Variants in FAM193A observed in about 807,000 individuals in gnomAD.
The protein encoded by FAM193A is family with sequence similarity 193 member A.
Under a neutral mutation model 126.5 loss-of-function variants are expected in FAM193A, and 22 were observed. The ratio of observed to expected loss-of-function variants is 0.17; its 90% CI spans 0.12 to 0.25. The LOEUF (loss-of-function observed/expected upper bound fraction) is 0.25. Among genes scored for constraint, FAM193A ranks in the 10% least tolerant of loss-of-function variants. The probability of loss-of-function intolerance (pLI) is 1.00; values close to 1 mark genes in which losing one functional copy is unlikely to be tolerated. For synonymous variants in FAM193A, 761 were observed against 646.8 expected (o/e 1.18, Z -2.68); for missense variants, 1,675 against 1,672.8 (o/e 1.00, Z -0.02).
chr4:2,630,814 G>C (rs768253896), intron 4 of FAM193A, 121 bp from the exon 5 acceptor site: 40 of 608,536 alleles, frequency 6.6e-5, no homozygotes, highest in Non-Finnish European at 7.3e-5. Flanking sequence ...TATGAGGAAG[G>C]TGACTGTGTG....
At chr4:2,719,538 G>A (rs1331443143) in intron 20 of FAM193A, among the ~76,000 whole-genome samples, 1 of 152,046 alleles carries the variant, frequency 6.6e-6, no homozygotes, top group Non-Finnish European at 1.5e-5. Flanking sequence ...CTGAGGTTGG[G>A]AGTTTGAGAT....
intron 1 of FAM193A, among the ~76,000 whole-genome samples, chr4:2,578,337 C>T (rs536067350): frequency 1.3e-5 from 2 of 152,160 alleles, no homozygotes; most frequent in South Asian, 4.1e-4. Flanking sequence ...GAAATTTCAT[C>T]ATTTTAATAA....
chr4:2,653,589 G>T (rs546960922), intron 7 of FAM193A, among the ~76,000 whole-genome samples: 1 of 151,898 alleles, frequency 6.6e-6, no homozygotes, highest in South Asian at 2.1e-4. Flanking sequence ...GACTACAGGC[G>T]CCCGCCACCA....
intron 1 of FAM193A, among the ~76,000 whole-genome samples, chr4:2,537,864 C>A (rs962963092): frequency 1.3e-5 from 2 of 152,084 alleles, no homozygotes; most frequent in African/African-American, 4.8e-5. Context: ...ATTTAGGGTT[C>A]GAACTTAAGG....
chr4:2,672,031 C>G, intron 12 of FAM193A, 90 bp from the exon 13 acceptor site: 1 of 1,433,410 alleles, frequency 7.0e-7, no homozygotes, highest in South Asian at 1.2e-5. Flanking sequence ...TTTGTATTTG[C>G]TTTGTAACTA....
intron 1 of FAM193A, among the ~76,000 whole-genome samples, chr4:2,571,787 G>T (rs941203618): frequency 3.3e-5 from 5 of 151,804 alleles, no homozygotes; most frequent in African/African-American, 1.2e-4. Context: ...TGATCCACCG[G>T]CCTCAGCCTC....
intron 19 of FAM193A, among the ~76,000 whole-genome samples, chr4:2,714,698 G>A (rs1719354323): frequency 6.6e-6 from 1 of 152,150 alleles, no homozygotes. Context: ...AAAAATATTA[G>A]CTGCTATTAT....
At chr4:2,730,672 A>G (rs1721272601) in intron 20 of FAM193A, among the ~76,000 whole-genome samples, 1 of 151,900 alleles carries the variant, frequency 6.6e-6, no homozygotes, top group Admixed American at 6.6e-5. Flanking sequence ...CCTGGGCGAC[A>G]GAGCAAGACT....
Position 2,646,820 on chromosome 4 carries a change from T to C in FAM193A, c.1299T>C (p.Tyr433=). The C allele has an allele frequency of 5.0e-6, 8 of 1,612,344 alleles. No homozygotes were observed. Among genetic ancestry groups the C allele is most frequent in the Non-Finnish European group, 6.8e-6 (8 of 1,179,274 alleles). The change falls in exon 7 of 21, where the codon TAT becomes TAC. Residue 433 remains tyrosine (Y), a synonymous_variant. Transcript: ENST00000637812. ...AGTGCCAGAAGAGGATCGACGCCTA[T>C]GTCGACGAGCAGGTGAGTGCCACCC... The part of the protein sequence containing the change: ...WLECQKRIDA[Y]VDEQMTMKTK...
At chr4:2,655,934 G>C (rs1282865347) in intron 7 of FAM193A, among the ~76,000 whole-genome samples, 1 of 152,120 alleles carries the variant, frequency 6.6e-6, no homozygotes, top group East Asian at 1.9e-4. Context: ...TTGTCTCAAA[G>C]ATAATTTTAT....
chr4:2,604,881 T>G (rs1364532423), intron 2 of FAM193A, among the ~76,000 whole-genome samples: 8 of 140,662 alleles, frequency 5.7e-5, no homozygotes, highest in African/African-American at 2.1e-4. Flanking sequence ...CACTGCAGCC[T>G]CGACCTCCTG....
At chr4:2,693,982 AGTG>A (rs1716738600) in intron 16 of FAM193A, 108 bp downstream of exon 16, 1 of 1,201,042 alleles carries the variant, frequency 8.3e-7, no homozygotes, top group African/African-American at 1.5e-5. Context: ...GGAAAAGTCT[AGTG>A]AAATGCCGAG....
At chr4:2,706,055 T>A (rs982104820) in intron 19 of FAM193A, among the ~76,000 whole-genome samples, 18 of 152,072 alleles carry the variant, frequency 1.2e-4, no homozygotes, top group Admixed American at 5.2e-4. Context: ...ATATTTTTTT[T>A]AAAATAGCAG....
chr4:2,619,215 T>A (rs1742389694), intron 2 of FAM193A, among the ~76,000 whole-genome samples: 1 of 152,200 alleles, frequency 6.6e-6, no homozygotes, highest in Admixed American at 6.5e-5. Flanking sequence ...CCTCTGTTTC[T>A]TGAACATATG....
chr4:2,627,592 T>C (rs1164881944), intron 4 of FAM193A, among the ~76,000 whole-genome samples: 1 of 147,932 alleles, frequency 6.8e-6, no homozygotes, highest in African/African-American at 2.5e-5. Flanking sequence ...TTTTTTTTTT[T>C]TTTCAGATGG....
At chr4:2,658,970 C>G (rs1165463696) in intron 8 of FAM193A, among the ~76,000 whole-genome samples, 1 of 152,144 alleles carries the variant, frequency 6.6e-6, no homozygotes, top group Non-Finnish European at 1.5e-5. Context: ...AGGCTGGTCT[C>G]AAACTCCTGA....
At chr4:2,564,316 C>T (rs982715241) in intron 1 of FAM193A, among the ~76,000 whole-genome samples, 1 of 152,050 alleles carries the variant, frequency 6.6e-6, no homozygotes, top group African/African-American at 2.4e-5. Context: ...CTCCTGGGGT[C>T]GAGTAATTCT....
intron 15 of FAM193A, among the ~76,000 whole-genome samples, chr4:2,691,950 C>T (rs1023280658): frequency 3.3e-5 from 5 of 152,120 alleles, no homozygotes; most frequent in Non-Finnish European, 4.4e-5. Flanking sequence ...CAGCATGCTG[C>T]ACCCCCAGGG....
intron 1 of FAM193A, among the ~76,000 whole-genome samples, chr4:2,543,869 C>CAAAAAAAAAAAAAAAAAAAAAAAAA (rs71178473): frequency 1.4e-5 from 1 of 71,738 alleles, no homozygotes; most frequent in African/African-American, 5.7e-5. Flanking sequence ...GACATTGTCT[C>CAAAAAAAAAAAAAAAAAAAAAAAAA]AAAAAAAAAA....
Sources: gnomAD v4.1 joint callset for allele counts (sites outside exome capture counted in the v4.1 genomes callset) on GRCh38, gnomAD v4.1.1 for gene constraint, MANE v1.5 for transcripts, NCBI Gene and HGNC (gene_info 2026-07-23, HGNC 2026-07-21) for gene names.